ARHGAP28: variants seen among roughly 807,000 people sequenced by gnomAD.
ARHGAP28 encodes the protein Rho GTPase activating protein 28, also known as rho GTPase-activating protein 28.
A neutral mutation model predicts 90.7 loss-of-function variants in ARHGAP28; 56 were observed. The ratio of observed to expected loss-of-function variants is 0.62; its 90% CI spans 0.50 to 0.77. The LOEUF (loss-of-function observed/expected upper bound fraction) is 0.77. ARHGAP28 is among the 30% of genes least tolerant of loss of function. ARHGAP28 has a pLI of 0.00. For synonymous variants in ARHGAP28, 308 were observed against 323.3 expected, an observed-to-expected ratio of 0.95 and a Z score of 0.51; for missense variants, 869 against 900.9, an observed-to-expected ratio of 0.96 and a Z score of 0.45.
chr18:6,828,773 G>A (rs1360223502), intron 2 of ARHGAP28, among the ~76,000 whole-genome samples: 1 of 152,120 alleles, frequency 6.6e-6, no homozygotes, highest in African/African-American at 2.4e-5. Context: ...TTCTCAAAAA[G>A]AGCAAAACTA....
At chr18:6,834,911 T>G (rs117319985) in intron 2 of ARHGAP28, among the ~76,000 whole-genome samples, 5,498 of 152,120 alleles carry the variant, frequency 0.036, 122 homozygotes, top group Non-Finnish European at 0.054. Context: ...GAATTGGGAG[T>G]GAGAAATACG....
Position 6,913,921 on chromosome 18 carries a change from T to C in ARHGAP28, c.*1767T>C, listed in dbSNP as rs1016145966. ...GCAATTCAGACAAGGGTAAACATTT[T>C]ACTTTATGTAATTGCCACATCCCAA... is the stretch of plus-strand genomic sequence containing the variant. On this transcript the variant is annotated 3_prime_UTR_variant, in exon 18 of 18. Coordinates refer to ENST00000383472, the MANE Select transcript of ARHGAP28 (RefSeq NM_001366230.1). The C allele has an allele frequency of 7.9e-5, 12 of 152,328 alleles. No homozygotes were observed. Among genetic ancestry groups the C allele is most frequent in the Non-Finnish European group, 8.8e-5 (6 of 68,012 alleles). The allele number at this position is 152,328 out of a possible 1,614,324, so 9.4% of individuals were successfully genotyped here.
chr18:6,784,691 C>G (rs529353385), intron 1 of ARHGAP28, among the ~76,000 whole-genome samples: 1 of 152,240 alleles, frequency 6.6e-6, no homozygotes, highest in East Asian at 1.9e-4. Flanking sequence ...AGGTACATAA[C>G]AAAGATGGGA....
intron 4 of ARHGAP28, among the ~76,000 whole-genome samples, chr18:6,853,700 C>T (rs893324453): frequency 6.6e-6 from 1 of 152,104 alleles, no homozygotes; most frequent in East Asian, 1.9e-4. Context: ...GGCTCAAACT[C>T]CTGACCTTAG....
intron 16 of ARHGAP28, among the ~76,000 whole-genome samples, chr18:6,901,040 CA>C (rs1225915214): frequency 1.3e-5 from 2 of 152,066 alleles, no homozygotes; most frequent in Non-Finnish European, 2.9e-5. Context: ...CTATATTCAG[CA>C]AAAATGTCCT....
At chr18:6,796,609 G>T (rs139318563) in intron 1 of ARHGAP28, among the ~76,000 whole-genome samples, 1 of 151,292 alleles carries the variant, frequency 6.6e-6, no homozygotes, top group Admixed American at 6.6e-5. Flanking sequence ...AGTTAGTCTC[G>T]CTCTCTTTTC....
intron 1 of ARHGAP28, among the ~76,000 whole-genome samples, chr18:6,764,264 G>T (rs953562660): frequency 8.5e-5 from 13 of 152,136 alleles, no homozygotes; most frequent in Non-Finnish European, 1.0e-4. Context: ...ATAAGCCCAC[G>T]TCCAAAGAGA....
At chr18:6,855,556 C>G (rs2056946211) in intron 4 of ARHGAP28, among the ~76,000 whole-genome samples, 1 of 152,176 alleles carries the variant, frequency 6.6e-6, no homozygotes, top group Non-Finnish European at 1.5e-5. Flanking sequence ...CCTCATTTTT[C>G]CTGGACCTGG....
At chr18:6,812,366 C>T (rs1318841706) in intron 1 of ARHGAP28, among the ~76,000 whole-genome samples, 1 of 152,086 alleles carries the variant, frequency 6.6e-6, no homozygotes, top group Admixed American at 6.6e-5. Context: ...GATCTTATTT[C>T]TCTGTGTTTT....
intron 4 of ARHGAP28, among the ~76,000 whole-genome samples, chr18:6,852,767 G>C (rs2056920604): frequency 6.6e-6 from 1 of 152,086 alleles, no homozygotes; most frequent in Admixed American, 6.5e-5. Flanking sequence ...AACCAAACTG[G>C]GTCGGTTTGC....
intron 2 of ARHGAP28, among the ~76,000 whole-genome samples, chr18:6,836,856 C>A (rs2056757408): frequency 6.6e-6 from 1 of 152,092 alleles, no homozygotes; most frequent in African/African-American, 2.4e-5. Context: ...ATTTGTATTC[C>A]ATTAAGTAAT....
At chr18:6,757,582 G>A (rs1415876748) in intron 1 of ARHGAP28, among the ~76,000 whole-genome samples, 1 of 152,170 alleles carries the variant, frequency 6.6e-6, no homozygotes, top group Non-Finnish European at 1.5e-5. Context: ...TGAAGTCGTG[G>A]TCAATGTTCT....
chr18:6,753,175 T>A (rs913337101), intron 1 of ARHGAP28, among the ~76,000 whole-genome samples: 4 of 152,172 alleles, frequency 2.6e-5, no homozygotes, highest in Non-Finnish European at 5.9e-5. Flanking sequence ...TGGATTTATT[T>A]TGTATTTTTT....
intron 10 of ARHGAP28, among the ~76,000 whole-genome samples, chr18:6,876,691 A>T (rs1038292342): frequency 6.6e-6 from 1 of 152,210 alleles, no homozygotes. Context: ...CCCTTTAGTG[A>T]AAGCTCTTAC....
At chr18:6,875,533 A>G (rs1031526923) in intron 9 of ARHGAP28, among the ~76,000 whole-genome samples, 4 of 152,188 alleles carry the variant, frequency 2.6e-5, no homozygotes, top group Non-Finnish European at 4.4e-5. Context: ...TCTCCTTAGC[A>G]GTAGAATAGG....
At chr18:6,874,556 TG>T (rs1329793938) in intron 9 of ARHGAP28, 3 of 152,184 alleles carry the variant, frequency 2.0e-5, no homozygotes, top group African/African-American at 7.2e-5. Context: ...ACAAATTTTG[TG>T]GAATTTTAAA....
chr18:6,770,594 A>C (rs1412928510), intron 1 of ARHGAP28, among the ~76,000 whole-genome samples: 1 of 152,194 alleles, frequency 6.6e-6, no homozygotes, highest in Non-Finnish European at 1.5e-5. Context: ...AACCTTCTAT[A>C]GTTGAGCTCT....
chr18:6,779,687 G>A (rs558323172), intron 1 of ARHGAP28, among the ~76,000 whole-genome samples: 14 of 152,304 alleles, frequency 9.2e-5, no homozygotes, highest in Non-Finnish European at 1.5e-4. Flanking sequence ...AGAAACATCT[G>A]CCTATTTTTG....
At chr18:6,757,638 A>G (rs1339063143) in intron 1 of ARHGAP28, among the ~76,000 whole-genome samples, 4 of 152,168 alleles carry the variant, frequency 2.6e-5, no homozygotes, top group African/African-American at 7.2e-5. Context: ...TGACAAGTGT[A>G]TATATGTTTC....
Sources: gnomAD v4.1 joint callset for allele counts (sites outside exome capture counted in the v4.1 genomes callset) on GRCh38, gnomAD v4.1.1 for gene constraint, MANE v1.5 for transcripts, NCBI Gene and HGNC (gene_info 2026-07-23, HGNC 2026-07-21) for gene names.